FHIP1A: variants seen among roughly 807,000 people sequenced by gnomAD.
The protein encoded by FHIP1A is FHF complex subunit HOOK interacting protein 1A, also known as FHF complex subunit HOOK-interacting protein 1A.
In FHIP1A, 61 loss-of-function variants were observed where a neutral mutation model predicts 88.6. The observed-to-expected ratio is 0.69, with a 90% CI of 0.56 to 0.85. The LOEUF (loss-of-function observed/expected upper bound fraction) is 0.85. Ranked by LOEUF, FHIP1A falls within the 40% of genes least tolerant of loss-of-function variation. The pLI, the probability that FHIP1A is intolerant of heterozygous loss-of-function variation, is 0.00. For missense variants in FHIP1A, 1,154 were observed against 1,273.5 expected, an observed-to-expected ratio of 0.91 and a Z score of 1.43; for synonymous variants, 478 against 496.0, an observed-to-expected ratio of 0.96 and a Z score of 0.48.
intron 7 of FHIP1A, among the ~76,000 whole-genome samples, chr4:151,619,584 C>T (rs942903413): frequency 2.0e-5 from 3 of 152,146 alleles, no homozygotes; most frequent in African/African-American, 7.2e-5. Flanking sequence ...TACTAGATTA[C>T]TTGTTACTTG....
At chr4:151,523,608 G>A (rs2126698786) in intron 3 of FHIP1A, among the ~76,000 whole-genome samples, 1 of 152,262 alleles carries the variant, frequency 6.6e-6, no homozygotes, top group Non-Finnish European at 1.5e-5. Flanking sequence ...TTAGGGGTTG[G>A]GAGCACAGTG....
intron 9 of FHIP1A, among the ~76,000 whole-genome samples, chr4:151,638,990 T>C (rs1373340141): frequency 2.0e-5 from 3 of 152,220 alleles, no homozygotes; most frequent in Non-Finnish European, 4.4e-5. Flanking sequence ...ATATGCATTA[T>C]ATTGTAAATA....
At chr4:151,517,959 T>C (rs921441009) in intron 3 of FHIP1A, among the ~76,000 whole-genome samples, 8 of 152,188 alleles carry the variant, frequency 5.3e-5, no homozygotes, top group African/African-American at 9.6e-5. Context: ...AAAAAAGTTA[T>C]AGTAAGCTAA....
At position 151,650,051 on chromosome 4, in the gene FHIP1A, C is replaced by T. The variant is rs1016523328; in HGVS notation, c.2010C>T (p.Ala670=). Residue 670 remains alanine (A), a synonymous_variant, in exon 11 of 14, where the codon GCC becomes GCT. Coordinates refer to ENST00000435205, the MANE Select transcript of FHIP1A (RefSeq NM_001109977.3). The part of the protein sequence containing the change: ...QEEAARPPAE[A]QAEVQSVPIN... The stretch of plus-strand genomic sequence containing the variant: ...AAGCTGCTAGGCCACCAGCTGAAGC[C>T]CAGGCTGAAGTTCAGAGTGTCCCCA... The T allele has an allele frequency of 2.6e-6, 4 of 1,551,498 alleles. No individual in the cohort carries two copies. Among genetic ancestry groups the T allele is most frequent in the African/African-American group, 1.4e-5 (1 of 73,014 alleles).
At chr4:151,638,202 C>T (rs1736429281) in intron 8 of FHIP1A, among the ~76,000 whole-genome samples, 1 of 152,126 alleles carries the variant, frequency 6.6e-6, no homozygotes, top group Non-Finnish European at 1.5e-5. Context: ...AGGCTAAGAA[C>T]TCTGAAGGGA....
chr4:151,576,028 T>C (rs1733777165), intron 4 of FHIP1A, among the ~76,000 whole-genome samples: 1 of 152,168 alleles, frequency 6.6e-6, no homozygotes, highest in Non-Finnish European at 1.5e-5. Flanking sequence ...AAAATTATCG[T>C]ATGTGTATAT....
chr4:151,652,593 AC>A (rs1737069544), intron 11 of FHIP1A, among the ~76,000 whole-genome samples: 1 of 152,230 alleles, frequency 6.6e-6, no homozygotes, highest in Non-Finnish European at 1.5e-5. Flanking sequence ...TTTAGAGGAG[AC>A]CCCAACAAAG....
rs569126288 is a variant in FHIP1A at position 151,545,369 on chromosome 4, C to CTTTTTTTTTTTTTTTTTTTT, written c.-122-20762_-122-20743dup. ...CAAGGCAAAATATTTCCTTATCCTT[C>CTTTTTTTTTTTTTTTTTTTT]TTTTTTTTTTTTTTTTTTTTTTTTT... On this transcript the variant is annotated intron_variant, in intron 3 of 13. Coordinates refer to ENST00000435205, the MANE Select transcript of FHIP1A (RefSeq NM_001109977.3). Among the ~76,000 whole-genome samples the CTTTTTTTTTTTTTTTTTTTT allele has an allele frequency of 6.1e-5, 5 of 81,684 alleles. 2 individuals are homozygous for CTTTTTTTTTTTTTTTTTTTT. Among genetic ancestry groups the CTTTTTTTTTTTTTTTTTTTT allele is most frequent in the African/African-American group, 2.5e-4 (5 of 19,654 alleles). 53.6% of individuals were successfully genotyped at this position (81,684 alleles called of 152,430 possible).
At chr4:151,411,971 G>C (rs140259701) in intron 1 of FHIP1A, among the ~76,000 whole-genome samples, 7 of 152,186 alleles carry the variant, frequency 4.6e-5, no homozygotes, top group African/African-American at 1.7e-4. Context: ...TAACAGAAGT[G>C]AACAGTTCTG....
intron 13 of FHIP1A, among the ~76,000 whole-genome samples, chr4:151,660,415 T>C (rs943696702): frequency 1.7e-5 from 2 of 120,370 alleles, no homozygotes; most frequent in African/African-American, 6.3e-5. Context: ...ATGAATGAAT[T>C]TGGAAGAGAA....
At chr4:151,637,949 A>C (rs759868716) in intron 8 of FHIP1A, among the ~76,000 whole-genome samples, 2 of 152,200 alleles carry the variant, frequency 1.3e-5, no homozygotes, top group Non-Finnish European at 2.9e-5. Flanking sequence ...TGAGAGCTTA[A>C]AATTACTTAA....
intron 8 of FHIP1A, among the ~76,000 whole-genome samples, chr4:151,630,171 G>A (rs1736103438): frequency 2.0e-5 from 3 of 152,160 alleles, no homozygotes; most frequent in Admixed American, 6.5e-5. Flanking sequence ...GTGCACTTCT[G>A]TGGGGGCAAG....
At chr4:151,502,684 A>G (rs1224969439) in intron 3 of FHIP1A, among the ~76,000 whole-genome samples, 1 of 152,186 alleles carries the variant, frequency 6.6e-6, no homozygotes, top group Non-Finnish European at 1.5e-5. Flanking sequence ...GAAAGGGGCA[A>G]TGTGCTAGAC....
rs35158530 is a variant in FHIP1A, at chr4:151,656,915, C to T, written c.2869+17C>T. 7.0e-4 allele frequency: 1,087 copies of T among 1,542,774 alleles called. 1 individual carries two copies. The highest frequency in any genetic ancestry group is 1.0e-3 in the Middle Eastern group (6 of 5,864). On this transcript the variant is annotated intron_variant, in intron 13 of 13. Transcript: ENST00000435205. The surrounding 1 kb of genome is among the most constrained non-coding windows in gnomAD (Gnocchi z 4.2). The stretch of plus-strand genomic sequence containing the variant: ...TAACCAAAGGTAAGCCAGGTTTCTC[C>T]ACAGCGCCCCTCCTTAAATTCCTCC...
intron 7 of FHIP1A, among the ~76,000 whole-genome samples, chr4:151,600,829 C>A (rs1734841575): frequency 6.6e-6 from 1 of 152,122 alleles, no homozygotes; most frequent in Admixed American, 6.5e-5. Context: ...TCCAAGGACT[C>A]CGAGAGTGAG....
In FHIP1A at chr4:151,554,454, A is replaced by G. The variant is rs114528548; in HGVS notation, c.-122-11684A>G. 6.1e-3 allele frequency among the ~76,000 whole-genome samples: 929 copies of G among 152,298 alleles called. 11 individuals are homozygous for G. The highest frequency in any genetic ancestry group is 0.021 in the African/African-American group (866 of 41,552). On this transcript the variant is annotated intron_variant, in intron 3 of 13. Transcript: ENST00000435205. ...GAGACCAGACTCTGGTTCTGAAATA[A>G]TCACAGCAGAAGGCAGAAACTACAT...
rs1040547948 is a variant in FHIP1A, at chr4:151,669,045, G to A, written c.*6291G>A. Among the ~76,000 whole-genome samples the A allele has an allele frequency of 6.6e-6, 1 of 152,188 alleles. No individual in the cohort carries two copies. ...GGTGAACCAGTAGACCAGACTAAAC[G>A]CACACTCATGCAAGAATGTAAAATT... On this transcript the variant is annotated 3_prime_UTR_variant, in exon 14 of 14. Coordinates refer to ENST00000435205, the MANE Select transcript of FHIP1A (RefSeq NM_001109977.3).
intron 3 of FHIP1A, among the ~76,000 whole-genome samples, chr4:151,518,635 TTCCCTCCC>T (rs149749640): frequency 0.11 from 8,950 of 81,464 alleles, 626 homozygotes; most frequent in African/African-American, 0.12. Flanking sequence ...AACTATCCAT[TTCCCTCCC>T]TCCCTCCCTC....
intron 7 of FHIP1A, among the ~76,000 whole-genome samples, chr4:151,606,668 A>G (rs1735085596): frequency 6.6e-6 from 1 of 152,206 alleles, no homozygotes; most frequent in South Asian, 2.1e-4. Context: ...TTATTGACCC[A>G]TGGTTTTTAA....
Sources: gnomAD v4.1 joint callset for allele counts (sites outside exome capture counted in the v4.1 genomes callset) on GRCh38, gnomAD v4.1.1 for gene constraint, Gnocchi (gnomAD v3.1) non-coding constraint, MANE v1.5 for transcripts, NCBI Gene and HGNC (gene_info 2026-07-23, HGNC 2026-07-21) for gene names.